The following ATP8A2 variants were observed in gnomAD, a reference collection of about 807,000 sequenced individuals.
ATP8A2 encodes the protein phospholipid-transporting ATPase IB.
A neutral mutation model predicts 165.6 loss-of-function variants in ATP8A2; 100 were observed. The ratio of observed to expected loss-of-function variants is 0.60; its 90% CI spans 0.51 to 0.71. The LOEUF (loss-of-function observed/expected upper bound fraction) is 0.71. ATP8A2 is among the 30% of genes least tolerant of loss of function. The pLI is 0.00. For missense variants in ATP8A2, 1,227 were observed against 1,479.5 expected (o/e 0.83, Z 2.80); for synonymous variants, 543 against 548.8 (o/e 0.99, Z 0.15).
chr13:25,716,485 A>G (rs1036601111), intron 25 of ATP8A2, among the ~76,000 whole-genome samples: 10 of 152,086 alleles, frequency 6.6e-5, no homozygotes, highest in Admixed American at 6.5e-4. Flanking sequence ...CCTTTTAGTT[A>G]GTTTTTGTAT....
intron 30 of ATP8A2, among the ~76,000 whole-genome samples, chr13:25,851,546 GCACTC>G (rs1952009456): frequency 6.7e-6 from 1 of 149,860 alleles, no homozygotes; most frequent in African/African-American, 2.5e-5. Context: ...TCGCGCCACT[GCACTC>G]CAGCCTGGGT....
At chr13:25,577,537 G>GTTATGTTT (rs1482287062) in intron 20 of ATP8A2, among the ~76,000 whole-genome samples, 2 of 152,032 alleles carry the variant, frequency 1.3e-5, no homozygotes, top group Non-Finnish European at 2.9e-5. Flanking sequence ...CTTCTCAATT[G>GTTATGTTT]TTATGTTTTT....
chr13:25,805,676 C>G (rs921285521), intron 27 of ATP8A2, among the ~76,000 whole-genome samples: 1 of 152,174 alleles, frequency 6.6e-6, no homozygotes, highest in Non-Finnish European at 1.5e-5. Flanking sequence ...GTATTCCATA[C>G]TGTAAACCAT....
chr13:26,006,057 A>G (rs893937367), intron 35 of ATP8A2, among the ~76,000 whole-genome samples: 1 of 152,052 alleles, frequency 6.6e-6, no homozygotes, highest in Non-Finnish European at 1.5e-5. Context: ...AACAAAAAAA[A>G]CCATTGGGAT....
intron 10 of ATP8A2, 80 bp downstream of exon 10, chr13:25,543,482 C>A: frequency 2.2e-6 from 2 of 924,816 alleles, no homozygotes; most frequent in Non-Finnish European, 3.3e-6. Context: ...GCAGATGTTG[C>A]ATTTAGGAAG....
At chr13:25,491,615 C>T (rs2036531479) in intron 2 of ATP8A2, among the ~76,000 whole-genome samples, 1 of 152,162 alleles carries the variant, frequency 6.6e-6, no homozygotes, top group South Asian at 2.1e-4. Context: ...TCGATTCTGT[C>T]ATTTTATGTG....
At chr13:25,720,578 G>A (rs910293050) in intron 25 of ATP8A2, among the ~76,000 whole-genome samples, 3 of 152,094 alleles carry the variant, frequency 2.0e-5, no homozygotes, top group African/African-American at 7.2e-5. Context: ...CTTCCCTCAG[G>A]TCGTCCACTC....
intron 24 of ATP8A2, among the ~76,000 whole-genome samples, chr13:25,626,346 G>A (rs2041099407): frequency 6.6e-6 from 1 of 152,120 alleles, no homozygotes; most frequent in South Asian, 2.1e-4. Flanking sequence ...CATAACACAG[G>A]AGAGGGCACC....
At chr13:25,709,623 A>T (rs1414521916) in intron 25 of ATP8A2, among the ~76,000 whole-genome samples, 1 of 152,214 alleles carries the variant, frequency 6.6e-6, no homozygotes, top group Non-Finnish European at 1.5e-5. Flanking sequence ...TCAAACGATG[A>T]TGCTTCACAT....
chr13:25,584,720 C>G (rs1402349394), intron 23 of ATP8A2, among the ~76,000 whole-genome samples: 1 of 152,188 alleles, frequency 6.6e-6, no homozygotes, highest in African/African-American at 2.4e-5. Flanking sequence ...GAGGGATTCA[C>G]ATAGCTTTTG....
chr13:25,414,378 G>C (rs1285548686), intron 1 of ATP8A2, among the ~76,000 whole-genome samples: 1 of 152,026 alleles, frequency 6.6e-6, no homozygotes. Flanking sequence ...TTTTAGTAGA[G>C]ATAGGGTTTC....
chr13:25,985,643 G>A (rs141169016), intron 35 of ATP8A2, among the ~76,000 whole-genome samples: 280 of 152,220 alleles, frequency 1.8e-3, no homozygotes, highest in African/African-American at 5.9e-3. Flanking sequence ...ATACTGAGTC[G>A]GGCCCATGGC....
chr13:25,810,628 T>C (rs1388510770), intron 27 of ATP8A2, among the ~76,000 whole-genome samples: 1 of 152,170 alleles, frequency 6.6e-6, no homozygotes, highest in Non-Finnish European at 1.5e-5. Context: ...CTTACAGATA[T>C]TTCTGATTGA....
At chr13:25,462,289 C>T (rs866627135) in intron 1 of ATP8A2, among the ~76,000 whole-genome samples, 9 of 152,194 alleles carry the variant, frequency 5.9e-5, no homozygotes, top group East Asian at 3.9e-4. Flanking sequence ...CATGCTTCAA[C>T]GACCAGCTGC....
intron 35 of ATP8A2, among the ~76,000 whole-genome samples, chr13:25,981,243 A>G (rs1189345800): frequency 6.6e-6 from 1 of 152,110 alleles, no homozygotes; most frequent in East Asian, 1.9e-4. Context: ...TAAGTATACA[A>G]GTCATACAAA....
chr13:25,693,042 C>A (rs2042759195), intron 24 of ATP8A2, among the ~76,000 whole-genome samples: 1 of 152,034 alleles, frequency 6.6e-6, no homozygotes, highest in Non-Finnish European at 1.5e-5. Context: ...TTTTTATGCC[C>A]CTTATAACAG....
At chr13:25,796,849 C>T (rs1456309111) in intron 27 of ATP8A2, among the ~76,000 whole-genome samples, 1 of 151,934 alleles carries the variant, frequency 6.6e-6, no homozygotes. Flanking sequence ...TTCTATATTA[C>T]TTGGTTTTTT....
At chr13:25,408,279 G>A (rs1473588661) in intron 1 of ATP8A2, among the ~76,000 whole-genome samples, 2 of 152,074 alleles carry the variant, frequency 1.3e-5, no homozygotes, top group African/African-American at 2.4e-5. Context: ...TGTAGTCCTA[G>A]CTACTTGGGA....
intron 28 of ATP8A2, among the ~76,000 whole-genome samples, chr13:25,830,234 A>C (rs1951427845): frequency 6.6e-6 from 1 of 151,990 alleles, no homozygotes; most frequent in South Asian, 2.1e-4. Context: ...ATTGGTCTCA[A>C]ACTCCTGGGC....
Sources: gnomAD v4.1 joint callset for allele counts (sites outside exome capture counted in the v4.1 genomes callset) on GRCh38, gnomAD v4.1.1 for gene constraint, MANE v1.5 for transcripts, NCBI Gene and HGNC (gene_info 2026-07-23, HGNC 2026-07-21) for gene names.